The following TEC variants were observed in gnomAD, a reference collection of about 807,000 sequenced individuals.
The protein encoded by TEC is tec protein tyrosine kinase.
A neutral mutation model predicts 93.0 loss-of-function variants in TEC; 72 were observed. That is an observed-to-expected ratio of 0.77 (90% CI 0.64 to 0.94). The LOEUF (loss-of-function observed/expected upper bound fraction) is 0.94, where lower values mean the gene tolerates loss of function less well. Ranked by LOEUF, TEC falls within the 40% of genes least tolerant of loss-of-function variation. The probability of loss-of-function intolerance (pLI) is 0.00; values close to 1 mark genes in which losing one functional copy is unlikely to be tolerated. For missense variants in TEC, 630 were observed against 757.9 expected (o/e 0.83, Z 1.98); for synonymous variants, 249 against 247.7 (o/e 1.01, Z -0.05).
At chr4:48,209,405 C>T (rs984004152) in intron 2 of TEC, among the ~76,000 whole-genome samples, 4 of 151,872 alleles carry the variant, frequency 2.6e-5, no homozygotes, top group African/African-American at 9.7e-5. Flanking sequence ...GAGTTTGAGA[C>T]CAGCCTGGCA....
chr4:48,201,878 G>A (rs565725113), intron 2 of TEC, among the ~76,000 whole-genome samples: 60 of 152,138 alleles, frequency 3.9e-4, no homozygotes, highest in African/African-American at 1.4e-3. Flanking sequence ...CCAGTCAGTG[G>A]TTCCTCAGCT....
At chr4:48,184,307 G>A (rs543247903) in intron 2 of TEC, among the ~76,000 whole-genome samples, 93 of 152,230 alleles carry the variant, frequency 6.1e-4, no homozygotes, top group African/African-American at 2.1e-3. Context: ...AAGTAACTTG[G>A]TATCATTTAA....
chr4:48,194,699 C>T (rs1722231926), intron 2 of TEC, among the ~76,000 whole-genome samples: 1 of 152,094 alleles, frequency 6.6e-6, no homozygotes, highest in South Asian at 2.1e-4. Context: ...TAATAACACC[C>T]ACAAGAAAGA....
At chr4:48,167,987 C>A (rs1448027769) in intron 6 of TEC, 34 bp from the exon 7 acceptor site, 1 of 1,599,368 alleles carries the variant, frequency 6.3e-7, no homozygotes, top group Admixed American at 1.7e-5. Flanking sequence ...AAAGTTTAGT[C>A]TTCTATATGA....
chr4:48,253,602 C>T (rs181878627), intron 1 of TEC, among the ~76,000 whole-genome samples: 75 of 137,388 alleles, frequency 5.5e-4, no homozygotes, highest in African/African-American at 1.6e-3. Context: ...GACAGAGTCT[C>T]GCTCTGTTGC....
At chr4:48,168,994 CAGTCCT>C (rs1259194337) in intron 5 of TEC, among the ~76,000 whole-genome samples, 1 of 152,184 alleles carries the variant, frequency 6.6e-6, no homozygotes, top group Non-Finnish European at 1.5e-5. Context: ...CTACAGTCCA[CAGTCCT>C]AGAGTTTTGG....
At chr4:48,147,545 G>A (rs1002203429) in intron 11 of TEC, among the ~76,000 whole-genome samples, 30 of 152,002 alleles carry the variant, frequency 2.0e-4, no homozygotes, top group African/African-American at 6.5e-4. Context: ...CCTTAACATC[G>A]TTATATCTAT....
At chr4:48,164,874 A>C (rs1440658313) in intron 7 of TEC, among the ~76,000 whole-genome samples, 1 of 152,064 alleles carries the variant, frequency 6.6e-6, no homozygotes. Flanking sequence ...GTGGTGGAAC[A>C]TGCCTATAAT....
intron 1 of TEC, among the ~76,000 whole-genome samples, chr4:48,268,034 C>T (rs1724684875): frequency 6.6e-6 from 1 of 152,222 alleles, no homozygotes; most frequent in Non-Finnish European, 1.5e-5. Context: ...TGCTCACAAC[C>T]CTTCCAACCT....
At chr4:48,262,201 C>CTTTTTTTATTTTTT (rs1724513508) in intron 1 of TEC, among the ~76,000 whole-genome samples, 2 of 80,208 alleles carry the variant, frequency 2.5e-5, no homozygotes, top group Non-Finnish European at 4.7e-5. Context: ...CCAAATGTCT[C>CTTTTTTTATTTTTT]TTTTTTTTTT....
intron 3 of TEC, among the ~76,000 whole-genome samples, chr4:48,172,780 A>T (rs1721168469): frequency 6.6e-6 from 1 of 152,230 alleles, no homozygotes; most frequent in South Asian, 2.1e-4. Context: ...AGAGCGATAA[A>T]GTGCTAAAGG....
At chr4:48,200,340 C>A (rs1722460575) in intron 2 of TEC, among the ~76,000 whole-genome samples, 1 of 152,132 alleles carries the variant, frequency 6.6e-6, no homozygotes. Flanking sequence ...GCTGCTGGAC[C>A]ACACAGTGTC....
Position 48,179,358 on chromosome 4 carries a change from A to T in TEC, c.139-3172T>A, listed in dbSNP as rs868029204. Among the ~76,000 whole-genome samples the T allele has an allele frequency of 2.8e-4, 10 of 35,954 alleles. 1 individual carries two copies. The highest frequency in any genetic ancestry group is 3.9e-4 in the Non-Finnish European group (7 of 17,968). 23.6% of individuals were successfully genotyped at this position (35,954 alleles called of 152,430 possible). A position where few individuals can be genotyped will look rare whatever the true frequency, so the allele number is the denominator to read the frequency against. On this transcript the variant is annotated intron_variant, in intron 2 of 17. Transcript: ENST00000381501. Reference sequence around the variant, plus strand: ...GGGTAGTATATATATATATATATATATATATATATATATATATATTTTTTT... The same window carrying T: ...GGGTAGTATATATATATATATATATTTATATATATATATATATATTTTTTT...
intron 4 of TEC, 39 bp downstream of exon 4, chr4:48,171,329 C>T: frequency 6.5e-7 from 1 of 1,529,388 alleles, no homozygotes; most frequent in Non-Finnish European, 9.0e-7. Context: ...ATTACATCTC[C>T]TAAAATTATA....
intron 1 of TEC, among the ~76,000 whole-genome samples, chr4:48,232,892 T>C (rs1723686665): frequency 6.6e-6 from 1 of 152,204 alleles, no homozygotes; most frequent in South Asian, 2.1e-4. Context: ...GAATATGGTA[T>C]CTCTAGAAGT....
At chr4:48,171,499 C>T (rs747880230) in intron 3 of TEC, 50 bp from the exon 4 acceptor site, 2 of 1,472,416 alleles carry the variant, frequency 1.4e-6, no homozygotes, top group Non-Finnish European at 1.9e-6. Flanking sequence ...AGACACAGCA[C>T]TTCTGTCTAG....
intron 2 of TEC, among the ~76,000 whole-genome samples, chr4:48,213,867 T>C (rs1488877327): frequency 6.6e-6 from 1 of 152,176 alleles, no homozygotes; most frequent in Non-Finnish European, 1.5e-5. Context: ...AGCAAGACTC[T>C]GTCCCTGAAA....
intron 3 of TEC, among the ~76,000 whole-genome samples, chr4:48,171,912 A>C (rs1271351534): frequency 2.0e-5 from 3 of 152,218 alleles, no homozygotes; most frequent in Non-Finnish European, 4.4e-5. Flanking sequence ...AACTCAATTA[A>C]TCCTGCCATC....
intron 2 of TEC, among the ~76,000 whole-genome samples, chr4:48,184,489 C>T (rs564824357): frequency 1.3e-5 from 2 of 152,116 alleles, no homozygotes; most frequent in African/African-American, 2.4e-5. Context: ...TGAATCTCTC[C>T]GTAAGTAGTT....
Sources: gnomAD v4.1 joint callset for allele counts (sites outside exome capture counted in the v4.1 genomes callset) on GRCh38, gnomAD v4.1.1 for gene constraint, MANE v1.5 for transcripts, NCBI Gene and HGNC (gene_info 2026-07-23, HGNC 2026-07-21) for gene names.